The following ANKRD12 variants were observed in gnomAD, a reference collection of about 807,000 sequenced individuals.
ANKRD12 encodes ankyrin repeat domain 12.
ANKRD12 carries 85 observed loss-of-function variants against 183.4 expected under a neutral mutation model. The observed-to-expected ratio is 0.46, with a 90% CI of 0.39 to 0.56. The LOEUF is 0.56. Among genes scored for constraint, ANKRD12 ranks in the 20% least tolerant of loss-of-function variants. ANKRD12 has a pLI of 0.00. For synonymous variants in ANKRD12, 914 were observed against 800.2 expected, an observed-to-expected ratio of 1.14 and a Z score of -2.40; for missense variants, 2,405 against 2,357.1, an observed-to-expected ratio of 1.02 and a Z score of -0.42.
At chr18:9,269,024 C>A (rs1020533957) in intron 10 of ANKRD12, among the ~76,000 whole-genome samples, 3 of 152,088 alleles carry the variant, frequency 2.0e-5, no homozygotes, top group African/African-American at 7.2e-5. Flanking sequence ...TTCACAATTG[C>A]TTCAAAGAGA....
At chr18:9,193,064 C>A (rs1335439327) in intron 2 of ANKRD12, among the ~76,000 whole-genome samples, 1 of 151,596 alleles carries the variant, frequency 6.6e-6, no homozygotes, top group Non-Finnish European at 1.5e-5. Flanking sequence ...TTTTAGTAAT[C>A]CATATATTCC....
At chr18:9,154,079 A>C (rs2030009529) in intron 1 of ANKRD12, among the ~76,000 whole-genome samples, 1 of 152,116 alleles carries the variant, frequency 6.6e-6, no homozygotes, top group Non-Finnish European at 1.5e-5. Context: ...GAAACCAATG[A>C]AAAAGTTCAA....
chr18:9,147,341 A>G (rs374288953), intron 1 of ANKRD12, among the ~76,000 whole-genome samples: 18 of 152,294 alleles, frequency 1.2e-4, no homozygotes, highest in Admixed American at 5.2e-4. Context: ...GCTGTGAGCA[A>G]TACTTAAGAT....
intron 1 of ANKRD12, among the ~76,000 whole-genome samples, chr18:9,141,434 A>G (rs1347693230): frequency 6.6e-6 from 1 of 152,222 alleles, no homozygotes; most frequent in African/African-American, 2.4e-5. Flanking sequence ...AGAGCCAGCA[A>G]TAGAAAATCT....
intron 2 of ANKRD12, among the ~76,000 whole-genome samples, chr18:9,186,909 A>T (rs867742389): frequency 1.3e-5 from 2 of 151,378 alleles, no homozygotes; most frequent in Non-Finnish European, 2.9e-5. Context: ...CCGCCACCGC[A>T]CCTGGCTAAT....
intron 6 of ANKRD12, among the ~76,000 whole-genome samples, chr18:9,214,983 T>C (rs922622391): frequency 1.3e-5 from 2 of 152,148 alleles, no homozygotes; most frequent in Non-Finnish European, 1.5e-5. Context: ...CTGGGGAATT[T>C]AACGCCAGCA....
chr18:9,229,066 T>C (rs911234917), intron 8 of ANKRD12, among the ~76,000 whole-genome samples: 2 of 152,122 alleles, frequency 1.3e-5, no homozygotes, highest in Non-Finnish European at 2.9e-5. Flanking sequence ...TTGAAGATGG[T>C]ATTCGTCCCT....
chr18:9,184,173 T>TA (rs1470275632), intron 2 of ANKRD12, among the ~76,000 whole-genome samples: 5 of 152,228 alleles, frequency 3.3e-5, no homozygotes, highest in Non-Finnish European at 7.3e-5. Context: ...AATTGTTTGA[T>TA]ACAAAATGTT....
intron 1 of ANKRD12, among the ~76,000 whole-genome samples, chr18:9,161,083 CTTGCCTTG>C (rs1435508755): frequency 1.4e-4 from 22 of 152,002 alleles, no homozygotes; most frequent in African/African-American, 5.1e-4. Context: ...AAGCAATCCT[CTTGCCTTG>C]GCCTGTGTGT....
At chr18:9,187,463 A>G (rs912915912) in intron 2 of ANKRD12, among the ~76,000 whole-genome samples, 1 of 152,178 alleles carries the variant, frequency 6.6e-6, no homozygotes, top group Non-Finnish European at 1.5e-5. Context: ...CCCCATTTAC[A>G]GTTTAATATG....
At chr18:9,248,189 C>G (rs1001877952) in intron 8 of ANKRD12, among the ~76,000 whole-genome samples, 2 of 152,138 alleles carry the variant, frequency 1.3e-5, no homozygotes, top group African/African-American at 4.8e-5. Context: ...GAAGAACTTG[C>G]TTGTGGGGAT....
Position 9,279,532 on chromosome 18 carries a change from T to A in ANKRD12, c.5908-17T>A. The A allele has an allele frequency of 6.9e-7, 1 of 1,441,114 alleles. No homozygotes were observed. The highest frequency in any genetic ancestry group is 1.2e-5 in the South Asian group (1 of 83,638). 89.3% of individuals were successfully genotyped at this position (1,441,114 alleles called of 1,614,324 possible). A position where few individuals can be genotyped will look rare whatever the true frequency, so the allele number is the denominator to read the frequency against. ...AGTGATTTATTGTATTTTATAATACTCACTTTTCTCTTTTAGTCTGATGAC... is the reference window on the plus strand; with the variant it reads ...AGTGATTTATTGTATTTTATAATACACACTTTTCTCTTTTAGTCTGATGAC... On this transcript the variant is annotated splice_polypyrimidine_tract_variant and intron_variant, in intron 11 of 12. Coordinates refer to ENST00000262126, the MANE Select transcript of ANKRD12 (RefSeq NM_015208.5).
intron 1 of ANKRD12, among the ~76,000 whole-genome samples, chr18:9,151,715 C>T (rs2078691565): frequency 6.6e-6 from 1 of 152,190 alleles, no homozygotes; most frequent in Non-Finnish European, 1.5e-5. Flanking sequence ...AAAGCGGCTG[C>T]AGCTCAGTGG....
At chr18:9,190,167 C>A (rs1005522949) in intron 2 of ANKRD12, among the ~76,000 whole-genome samples, 1 of 152,148 alleles carries the variant, frequency 6.6e-6, no homozygotes, top group Non-Finnish European at 1.5e-5. Flanking sequence ...AGGGTCAAGA[C>A]TTTAGTGGAG....
intron 1 of ANKRD12, among the ~76,000 whole-genome samples, chr18:9,181,543 G>A (rs767704784): frequency 6.6e-6 from 1 of 152,198 alleles, no homozygotes; most frequent in Non-Finnish European, 1.5e-5. Flanking sequence ...GCCCAGTGCT[G>A]TGCAGTAGAC....
In ANKRD12 at chr18:9,196,214, A is replaced by G. The variant is rs900145062; in HGVS notation, c.235+516A>G. On this transcript the variant is annotated intron_variant, in intron 3 of 12. Transcript: ENST00000262126. ...TACACACACACACACACACACACAC[A>G]CACACACACTGAGGCTAACTGCCTC... is the stretch of plus-strand genomic sequence containing the variant. Among the ~76,000 whole-genome samples the G allele has an allele frequency of 1.3e-4, 20 of 151,720 alleles. 1 individual carries two copies. The highest frequency in any genetic ancestry group is 4.4e-5 in the Non-Finnish European group (3 of 67,848).
chr18:9,219,137 G>T (rs1289907794), intron 7 of ANKRD12, among the ~76,000 whole-genome samples: 1 of 152,120 alleles, frequency 6.6e-6, no homozygotes, highest in East Asian at 1.9e-4. Context: ...TTGATTTAGG[G>T]TGTTTGTAAT....
intron 8 of ANKRD12, among the ~76,000 whole-genome samples, chr18:9,233,751 G>A (rs2037184666): frequency 6.6e-6 from 1 of 152,316 alleles, no homozygotes; most frequent in South Asian, 2.1e-4. Context: ...TTATGGTGAA[G>A]TTTTGCTAGG....
At chr18:9,277,017 G>A (rs1002790493) in intron 11 of ANKRD12, among the ~76,000 whole-genome samples, 2 of 152,136 alleles carry the variant, frequency 1.3e-5, no homozygotes, top group Admixed American at 6.5e-5. Context: ...AGAGAGAAAT[G>A]AGTTTTAGAG....
Sources: gnomAD v4.1 joint callset for allele counts (sites outside exome capture counted in the v4.1 genomes callset) on GRCh38, gnomAD v4.1.1 for gene constraint, MANE v1.5 for transcripts, NCBI Gene and HGNC (gene_info 2026-07-23, HGNC 2026-07-21) for gene names.